The following KIF18A variants were observed in gnomAD, a reference collection of about 807,000 sequenced individuals.
The protein encoded by KIF18A is kinesin family member 18A.
In KIF18A, 67 loss-of-function variants were observed where a neutral mutation model predicts 103.3. That is an observed-to-expected ratio of 0.65 (90% CI 0.53 to 0.79). The LOEUF (loss-of-function observed/expected upper bound fraction) is 0.79. Ranked by LOEUF, KIF18A falls within the 30% of genes least tolerant of loss-of-function variation. KIF18A has a pLI of 0.00. For synonymous variants in KIF18A, 367 were observed against 355.5 expected (o/e 1.03, Z -0.36); for missense variants, 1,032 against 1,062.5 (o/e 0.97, Z 0.40).
At chr11:28,039,396 C>A (rs58502944) in intron 13 of KIF18A, among the ~76,000 whole-genome samples, 43,175 of 151,522 alleles carry the variant, frequency 0.28, 7,015 homozygotes, top group African/African-American at 0.44. Flanking sequence ...TATATATGTT[C>A]TTTGCAAATG....
intron 9 of KIF18A, among the ~76,000 whole-genome samples, chr11:28,079,738 T>C (rs1354337441): frequency 1.3e-5 from 2 of 149,992 alleles, no homozygotes; most frequent in Non-Finnish European, 3.0e-5. Flanking sequence ...TGATGTACTT[T>C]GGAAGTTTCC....
chr11:28,102,019 T>C (rs1479175374), intron 1 of KIF18A, among the ~76,000 whole-genome samples: 1 of 152,108 alleles, frequency 6.6e-6, no homozygotes, highest in African/African-American at 2.4e-5. Flanking sequence ...AAAGAAAAAA[T>C]ATTTAACACC....
rs891308697 is a variant in KIF18A at position 28,077,297 on chromosome 11, C to G, written c.1263-128G>C. On this transcript the variant is annotated intron_variant, in intron 9 of 16. Coordinates refer to ENST00000263181, the MANE Select transcript of KIF18A (RefSeq NM_031217.4). ...CAGAACTACACTCAATGATAAACAG[C>G]AAATAGGTAAAAATGACTATTTCCT... 11 of 564,474 alleles carry G rather than the reference C, an allele frequency of 1.9e-5. No individual in the cohort carries two copies. In the South Asian group the frequency reaches 2.6e-4, roughly 13 times the overall value. 35.0% of individuals were successfully genotyped at this position (564,474 alleles called of 1,614,324 possible).
rs183967904 is a variant in KIF18A at position 28,052,220 on chromosome 11, C to A, written c.1948+6706G>T. ...ATAGTATAATCTATTCTCACCACAG[C>A]AGTCAGAGAGATCTTTTAAGAGCAC... On this transcript the variant is annotated intron_variant, in intron 13 of 16. Coordinates refer to ENST00000263181, the MANE Select transcript of KIF18A (RefSeq NM_031217.4). Among the ~76,000 whole-genome samples, 4 of 152,180 alleles carry A rather than the reference C, an allele frequency of 2.6e-5. No homozygotes were observed. The East Asian group carries it at 7.7e-4, about 29-fold the overall frequency.
intron 13 of KIF18A, among the ~76,000 whole-genome samples, chr11:28,054,922 T>C (rs1850758943): frequency 1.3e-5 from 2 of 152,192 alleles, no homozygotes; most frequent in Admixed American, 6.5e-5. Flanking sequence ...TCTGTGCAAT[T>C]ATACTGTATG....
chr11:28,045,426 T>C (rs1435845335), intron 13 of KIF18A, among the ~76,000 whole-genome samples: 2 of 151,852 alleles, frequency 1.3e-5, no homozygotes, highest in African/African-American at 2.4e-5. Flanking sequence ...ATGCTTCATG[T>C]CTGTTTCCCT....
At chr11:28,084,945 T>A in intron 6 of KIF18A, 137 bp from the exon 7 acceptor site, 3 of 593,706 alleles carry the variant, frequency 5.1e-6, no homozygotes, top group Non-Finnish European at 8.9e-6. Context: ...TGTTTCAGTA[T>A]AATGAAAAAA....
chr11:28,061,453 T>C (rs183109921), intron 12 of KIF18A, among the ~76,000 whole-genome samples: 1 of 152,246 alleles, frequency 6.6e-6, no homozygotes, highest in African/African-American at 2.4e-5. Context: ...TAAGATAGTA[T>C]ATTCATCTGG....
chr11:28,062,303 C>T, intron 12 of KIF18A, 92 bp downstream of exon 12: 1 of 1,156,280 alleles, frequency 8.6e-7, no homozygotes, highest in Non-Finnish European at 1.2e-6. Context: ...TCCTGTAACA[C>T]ATAAAACTCA....
chr11:28,097,899 G>A lies in KIF18A; in HGVS notation c.49C>T (p.Arg17Cys), dbSNP rs1851396170. 5 of 1,604,708 alleles carry A rather than the reference G, an allele frequency of 3.1e-6. No homozygotes were observed. The highest frequency in any genetic ancestry group is 1.3e-5 in the African/African-American group (1 of 74,280). ...TCTTTAGTGTTTTCCGGACGTACAC[G>A]AACTACTACTTTCATATGGTGGCAC... ...DLCHHMKVVV[R>C]VRPENTKEKA... The change falls in exon 2 of 17, where the codon CGT becomes TGT. Residue 17 changes from arginine to cysteine, a missense_variant. Coordinates refer to ENST00000263181, the MANE Select transcript of KIF18A (RefSeq NM_031217.4).
At chr11:28,101,048 T>G (rs747449028) in intron 1 of KIF18A, among the ~76,000 whole-genome samples, 7 of 152,122 alleles carry the variant, frequency 4.6e-5, no homozygotes, top group Non-Finnish European at 1.0e-4. Context: ...CACTCCTGCT[T>G]CTTCTTGCCA....
At chr11:28,090,309 A>C (rs1051469677) in intron 5 of KIF18A, among the ~76,000 whole-genome samples, 1 of 152,216 alleles carries the variant, frequency 6.6e-6, no homozygotes, top group East Asian at 1.9e-4. Context: ...ATTTATAGAG[A>C]TAAGTTTTAC....
At chr11:28,049,006 T>A (rs761961126) in intron 13 of KIF18A, among the ~76,000 whole-genome samples, 2 of 151,980 alleles carry the variant, frequency 1.3e-5, no homozygotes, top group Non-Finnish European at 2.9e-5. Context: ...TGAAGACTCT[T>A]CTGAGAGGTC....
chr11:28,083,637 T>C (rs769844972), intron 7 of KIF18A, among the ~76,000 whole-genome samples: 1 of 152,220 alleles, frequency 6.6e-6, no homozygotes, highest in Middle Eastern at 3.4e-3. Flanking sequence ...TATGGTATAG[T>C]AGAGAGGATA....
At chr11:28,027,406 C>A (rs917084981) in intron 15 of KIF18A, among the ~76,000 whole-genome samples, 1 of 151,652 alleles carries the variant, frequency 6.6e-6, no homozygotes, top group Non-Finnish European at 1.5e-5. Flanking sequence ...TTTATATTAA[C>A]CCGGCTTTTG....
At chr11:28,104,554 T>G (rs766594131) in intron 1 of KIF18A, among the ~76,000 whole-genome samples, 1 of 152,202 alleles carries the variant, frequency 6.6e-6, no homozygotes, top group Non-Finnish European at 1.5e-5. Context: ...CCCTAAAGAA[T>G]CTATCTAAGA....
chr11:28,027,057 T>G (rs1395237284), intron 15 of KIF18A, among the ~76,000 whole-genome samples: 2 of 151,872 alleles, frequency 1.3e-5, no homozygotes, highest in Non-Finnish European at 2.9e-5. Context: ...TTAAATTCAC[T>G]TATGAGAAGA....
At chr11:28,085,762 ATCTCTTTG>A (rs2133555568) in intron 6 of KIF18A, among the ~76,000 whole-genome samples, 1 of 152,016 alleles carries the variant, frequency 6.6e-6, no homozygotes, top group East Asian at 1.9e-4. Context: ...TTTTCTCTTT[ATCTCTTTG>A]TCTTGTGTCT....
chr11:28,025,587 C>G (rs1850307439), intron 15 of KIF18A, among the ~76,000 whole-genome samples: 1 of 151,822 alleles, frequency 6.6e-6, no homozygotes, highest in Non-Finnish European at 1.5e-5. Context: ...TTCTAGAAAT[C>G]AAATCCAACC....
Sources: allele counts gnomAD v4.1 joint callset (sites outside exome capture counted in the v4.1 genomes callset), GRCh38; gene constraint gnomAD v4.1.1; transcripts MANE v1.5; gene names NCBI Gene and HGNC (gene_info 2026-07-23, HGNC 2026-07-21).